Variants in NOTCH2 observed in about 807,000 individuals in gnomAD.
The protein encoded by NOTCH2 is neurogenic locus notch homolog protein 2.
Under a neutral mutation model 235.8 loss-of-function variants are expected in NOTCH2, and 29 were observed. That is an observed-to-expected ratio of 0.12 (90% CI 0.09 to 0.17). The LOEUF is 0.17. NOTCH2 is among the 10% of genes least tolerant of loss of function. The pLI, the probability that NOTCH2 is intolerant of heterozygous loss-of-function variation, is 1.00. For synonymous variants in NOTCH2, 1,086 were observed against 1,141.5 expected (o/e 0.95, Z 0.98); for missense variants, 2,285 against 3,150.2 (o/e 0.73, Z 6.57).
rs192144513 is a variant in NOTCH2 at position 119,938,932 on chromosome 1, G to A, written c.3184-922C>T. On this transcript the variant is annotated intron_variant, in intron 19 of 33. Coordinates refer to ENST00000256646, the MANE Select transcript of NOTCH2 (RefSeq NM_024408.4). ...CCTGACCTCGTGATCCACCTGCCTC[G>A]GCCTCCCAAAGTGCTGGGATTACAG... is the stretch of plus-strand genomic sequence containing the variant. 6.0e-3 allele frequency among the ~76,000 whole-genome samples: 918 copies of A among 152,074 alleles called. 11 individuals are homozygous for A. The highest frequency in any genetic ancestry group is 0.021 in the African/African-American group (878 of 41,484).
rs587682050 is a variant in NOTCH2 at position 119,912,741 on chromosome 1, G to A, written c.*2565C>T. On this transcript the variant is annotated 3_prime_UTR_variant, in exon 34 of 34. Transcript: ENST00000256646. ...TGAGTCTCCAATTCAGAACCCAAATGAGAAAGTGATTATCCATCTTACCTT... is the reference window on the plus strand; with the variant it reads ...TGAGTCTCCAATTCAGAACCCAAATAAGAAAGTGATTATCCATCTTACCTT... 7.5e-4 allele frequency: 175 copies of A among 233,528 alleles called. 1 individual carries two copies. Among genetic ancestry groups the A allele is most frequent in the Admixed American group, 1.6e-3 (29 of 17,802 alleles). 14.5% of individuals were successfully genotyped at this position (233,528 alleles called of 1,614,324 possible).
At chr1:119,946,806 T>C (rs1553197080) in intron 17 of NOTCH2, among the ~76,000 whole-genome samples, 2 of 152,060 alleles carry the variant, frequency 1.3e-5, no homozygotes, top group African/African-American at 4.8e-5. Context: ...TTATTGAAGA[T>C]CTTAGTACAA....
At chr1:119,948,975 T>C in intron 16 of NOTCH2, 32 bp downstream of exon 16, 5 of 1,614,096 alleles carry the variant, frequency 3.1e-6, no homozygotes, top group Non-Finnish European at 4.2e-6. Context: ...TCAGAATGCA[T>C]GTTCTTGGCT....
intron 8 of NOTCH2, 44 bp downstream of exon 8, chr1:119,967,389 C>T (rs369209847): frequency 3.5e-4 from 538 of 1,542,358 alleles, no homozygotes; most frequent in Non-Finnish European, 4.7e-4. Flanking sequence ...AAGTTCAGAA[C>T]AGTCCCTCCT....
At position 119,916,281 on chromosome 1, in the gene NOTCH2, A is replaced by C; in HGVS notation, c.6441T>G (p.Thr2147=). 8 of 1,614,180 alleles carry C rather than the reference A, an allele frequency of 5.0e-6. No individual in the cohort carries two copies. Among genetic ancestry groups the C allele is most frequent in the Non-Finnish European group, 6.8e-6 (8 of 1,180,022 alleles). The change falls in exon 34 of 34, where the codon ACT becomes ACG. Residue 2147 remains threonine (T), a synonymous_variant. Coordinates refer to ENST00000256646, the MANE Select transcript of NOTCH2 (RefSeq NM_024408.4). ...EKVQLSESSV[T]LSPVDSLESP... is the part of the protein sequence containing the mutation. ...ATTCTAGGGAATCAACAGGGGATAA[A>C]GTTACTGAACTCTCAGACAGTTGGA...
intron 11 of NOTCH2, among the ~76,000 whole-genome samples, chr1:119,961,037 T>G (rs1304591167): frequency 1.3e-5 from 2 of 152,176 alleles, no homozygotes; most frequent in Admixed American, 6.6e-5. Context: ...AGTACGCTGC[T>G]TTGCCTGTCA....
In NOTCH2 at chr1:120,069,607, T is replaced by G; in HGVS notation, c.-201A>C. ...AGTCCGCCGCTCCTCGGCCGCCGCC[T>G]CAGCCGCCGCCCGAAGTTTGGCTGA... On this transcript the variant is annotated 5_prime_UTR_variant, in exon 1 of 34. Coordinates refer to ENST00000256646, the MANE Select transcript of NOTCH2 (RefSeq NM_024408.4). 7.1e-7 allele frequency: 1 copy of G among 1,406,442 alleles called. No homozygotes were observed. The highest frequency in any genetic ancestry group is 3.2e-5 in the Admixed American group (1 of 31,278). The allele number at this position is 1,406,442 out of a possible 1,614,324, so 87.1% of individuals were successfully genotyped here. A position where few individuals can be genotyped will look rare whatever the true frequency, so the allele number is the denominator to read the frequency against.
chr1:119,936,647 C>T (rs1553195757), intron 21 of NOTCH2, among the ~76,000 whole-genome samples: 1 of 152,128 alleles, frequency 6.6e-6, no homozygotes, highest in Non-Finnish European at 1.5e-5. Context: ...ATTTATATAA[C>T]AATAGAGAAG....
chr1:119,958,450 T>C (rs587710133), intron 12 of NOTCH2, among the ~76,000 whole-genome samples: 1 of 152,376 alleles, frequency 6.6e-6, no homozygotes, highest in African/African-American at 2.4e-5. Context: ...TTCTGCAGAC[T>C]CTATCAAAAA....
chr1:119,984,074 G>A (rs1467968173), intron 5 of NOTCH2, among the ~76,000 whole-genome samples: 1 of 152,124 alleles, frequency 6.6e-6, no homozygotes, highest in Non-Finnish European at 1.5e-5. Flanking sequence ...AGTTGCAATA[G>A]GCTATTAGGT....
chr1:119,986,139 C>T (rs1553202203), intron 5 of NOTCH2, among the ~76,000 whole-genome samples: 1 of 152,090 alleles, frequency 6.6e-6, no homozygotes, highest in East Asian at 1.9e-4. Flanking sequence ...AGGAGATAGC[C>T]CACTACTGGT....
In NOTCH2 at chr1:119,941,515, TG is replaced by T. The variant is rs782609814; in HGVS notation, c.2981+10del. The T allele has an allele frequency of 1.9e-6, 3 of 1,583,032 alleles. No individual in the cohort carries two copies. In the East Asian group the frequency reaches 6.7e-5, roughly 35 times the overall value. On this transcript the variant is annotated intron_variant, in intron 18 of 33. Transcript: ENST00000256646. Reference sequence around the variant, plus strand: ...CGTAAGATGCTGATGCCCGAGGGACTGGTTGCTCACCTCTCAGTGCACTCAT... The same window carrying T: ...CGTAAGATGCTGATGCCCGAGGGACTGTTGCTCACCTCTCAGTGCACTCAT...
intron 26 of NOTCH2, among the ~76,000 whole-genome samples, chr1:119,923,041 C>A (rs1051709191): frequency 2.0e-5 from 3 of 152,234 alleles, no homozygotes; most frequent in African/African-American, 7.2e-5. Flanking sequence ...TGAGGCAATG[C>A]ATGACAAAGT....
chr1:120,021,140 A>AT lies in NOTCH2; in HGVS notation c.155+8765dup, dbSNP rs1653628762. ...TGCTAGTGAAGGTCACTGACAGTGA[A>AT]TAAATAGGATCTAGAAAATGTGCGG... On this transcript the variant is annotated intron_variant, in intron 2 of 33. Transcript: ENST00000256646. Among the ~76,000 whole-genome samples, 2 of 117,754 alleles carry AT rather than the reference A, an allele frequency of 1.7e-5. 1 individual carries two copies. Among genetic ancestry groups the AT allele is most frequent in the South Asian group, 5.5e-4 (2 of 3,628 alleles). The allele number at this position is 117,754 out of a possible 152,430, so 77.3% of individuals were successfully genotyped here.
rs60854092 is a variant in NOTCH2 at position 119,922,384 on chromosome 1, T to C, written c.5065A>G (p.Ile1689Val). Reference protein sequence around the residue: ...LYLLAVAVVIILFIILLGVIM... With the variant: ...LYLLAVAVVIVLFIILLGVIM... ...ACCCCCAGCAGAATAATAAACAGAA[T>C]GATGACAACAGCAACAGCAAGGAGA... Residue 1689 changes from isoleucine to valine, a missense_variant, in exon 28 of 34, where the codon ATT becomes GTT. Coordinates refer to ENST00000256646, the MANE Select transcript of NOTCH2 (RefSeq NM_024408.4). The C allele has an allele frequency of 2.5e-6, 4 of 1,613,960 alleles. No individual in the cohort carries two copies. Among genetic ancestry groups the C allele is most frequent in the African/African-American group, 2.7e-5 (2 of 74,882 alleles).
In NOTCH2 at chr1:119,912,230, T is replaced by C. The variant is rs947462988; in HGVS notation, c.*3076A>G. ...ACTGGGTTTCTCATACAAACAGATATAATATCACTTTTAAGAGAAATGTAC... is the reference window on the plus strand; with the variant it reads ...ACTGGGTTTCTCATACAAACAGATACAATATCACTTTTAAGAGAAATGTAC... On this transcript the variant is annotated 3_prime_UTR_variant, in exon 34 of 34. Transcript: ENST00000256646. The C allele has an allele frequency of 4.3e-6, 1 of 233,290 alleles. No homozygotes were observed. The highest frequency in any genetic ancestry group is 8.5e-6 in the Non-Finnish European group (1 of 117,838). 14.5% of individuals were successfully genotyped at this position (233,290 alleles called of 1,614,324 possible).
In NOTCH2 at chr1:119,926,629, A is replaced by T; in HGVS notation, c.3893-18T>A. On this transcript the variant is annotated intron_variant, in intron 23 of 33. Coordinates refer to ENST00000256646, the MANE Select transcript of NOTCH2 (RefSeq NM_024408.4). ...GTGCCGGCCTCAGAAAATAAAAAAT[A>T]AAAAAGGTTTTAAAAGGCAGAAGTA... The T allele has an allele frequency of 6.3e-7, 1 of 1,576,298 alleles. No individual in the cohort carries two copies. Among genetic ancestry groups the T allele is most frequent in the African/African-American group, 1.3e-5 (1 of 74,374 alleles).
rs9428310 is a variant in NOTCH2 at position 120,033,094 on chromosome 1, T to C, written c.74-3107A>G. The stretch of plus-strand genomic sequence containing the variant: ...TGATGTCTGTACACCCATACCAAGT[T>C]ATGGAAGTGTCCATCAACAGATGAA... On this transcript the variant is annotated intron_variant, in intron 1 of 33. Transcript: ENST00000256646. Among the ~76,000 whole-genome samples, 63 of 150,706 alleles carry C rather than the reference T, an allele frequency of 4.2e-4. No homozygotes were observed. The East Asian group carries it at 9.5e-3, about 23-fold the overall frequency.
chr1:119,941,563 C>T lies in NOTCH2; in HGVS notation c.2944G>A (p.Val982Ile), dbSNP rs2101105113. Reference sequence around the variant, plus strand: ...TCATTGATGTTGTTCTCACAATGGACTCCATCAAATCCTGCCTGGCACTTG... The same window carrying T: ...TCATTGATGTTGTTCTCACAATGGATTCCATCAAATCCTGCCTGGCACTTG... ...TCKCQAGFDGVHCENNINECT... is the reference protein window; with the variant it reads ...TCKCQAGFDGIHCENNINECT... Residue 982 changes from valine (V) to isoleucine (I), a missense_variant, in exon 18 of 34, where the codon GTC becomes ATC. Coordinates refer to ENST00000256646, the MANE Select transcript of NOTCH2 (RefSeq NM_024408.4). 6.2e-7 allele frequency: 1 copy of T among 1,614,126 alleles called. No homozygotes were observed. The highest frequency in any genetic ancestry group is 1.1e-5 in the South Asian group (1 of 91,076).
Sources: allele counts gnomAD v4.1 joint callset (sites outside exome capture counted in the v4.1 genomes callset), GRCh38; gene constraint gnomAD v4.1.1; transcripts MANE v1.5; gene names NCBI Gene and HGNC (gene_info 2026-07-23, HGNC 2026-07-21).